POU5F1B: variants seen among roughly 807,000 people sequenced by gnomAD.
POU5F1B encodes the protein POU domain, class 5, transcription factor 1B.
Under a neutral mutation model 28.1 loss-of-function variants are expected in POU5F1B, and 24 were observed. That is an observed-to-expected ratio of 0.85 (90% CI 0.62 to 1.20). The LOEUF (loss-of-function observed/expected upper bound fraction) is 1.20, where lower values mean the gene tolerates loss of function less well. Among genes scored for constraint, POU5F1B ranks in the 50% most tolerant of loss-of-function variants. The pLI is 0.00. For synonymous variants in POU5F1B, 220 were observed against 193.2 expected (o/e 1.14, Z -1.15); for missense variants, 451 against 451.5 (o/e 1.00, Z 0.01).
chr8:127,416,846 C>A (rs1397930871), exon 3 of POU5F1B: 1 of 1,602,548 alleles, frequency 6.2e-7, no homozygotes, highest in Non-Finnish European at 8.5e-7. Context: ...TATGGGAGCC[C>A]TCACTTCACT....
exon 3 of POU5F1B, chr8:127,416,514 T>A (rs778092645): frequency 1.9e-6 from 3 of 1,609,040 alleles, no homozygotes; most frequent in Non-Finnish European, 2.5e-6. Context: ...ACAATGAAAA[T>A]CTTCAGGAGA....
exon 3 of POU5F1B, chr8:127,416,625 G>A: frequency 1.9e-6 from 3 of 1,598,630 alleles, no homozygotes; most frequent in Non-Finnish European, 2.6e-6. Context: ...TGCAGTGCCC[G>A]AAACCCACAC....
At chr8:127,416,620 T>C in exon 3 of POU5F1B, 1 of 1,599,170 alleles carries the variant, frequency 6.3e-7, no homozygotes, top group Non-Finnish European at 8.5e-7. Context: ...GTTCCTGCAG[T>C]GCCCGAAACC....
exon 3 of POU5F1B, chr8:127,416,430 G>A (rs1332788737): frequency 1.9e-6 from 3 of 1,608,354 alleles, no homozygotes; most frequent in East Asian, 4.5e-5. Flanking sequence ...GCCGCTTTGA[G>A]GCTCTGCAGC....
At position 127,413,758 on chromosome 8, in the gene POU5F1B, T is replaced by A. The variant is rs80055306; in HGVS notation, c.-559-1130T>A. 2.1e-3 allele frequency among the ~76,000 whole-genome samples: 318 copies of A among 152,272 alleles called. 10 individuals carry two copies. In the East Asian group the frequency reaches 0.054, roughly 26 times the overall value. On this transcript the variant is annotated intron_variant, in intron 1 of 2. Coordinates refer to ENST00000465342, the Ensembl canonical transcript of POU5F1B. ...ACCTATTAACCTTCTATTTCACTTT[T>A]CTGCTAAATGAGACAATATGGACTT... is the stretch of plus-strand genomic sequence containing the variant.
At chr8:127,416,229 C>G (rs764655739) in exon 3 of POU5F1B, 1 of 1,613,836 alleles carries the variant, frequency 6.2e-7, no homozygotes, top group Non-Finnish European at 8.5e-7. Flanking sequence ...CCCCTGGTGC[C>G]GTGAAGCTGG....
exon 3 of POU5F1B, chr8:127,417,152 CAT>C (rs1345281698): frequency 3.7e-6 from 2 of 545,798 alleles, no homozygotes; most frequent in African/African-American, 4.1e-5. Flanking sequence ...AATCCCACAT[CAT>C]GTATCACTTT....
intron 1 of POU5F1B, among the ~76,000 whole-genome samples, chr8:127,414,505 C>A (rs74814603): frequency 0.013 from 1,979 of 152,264 alleles, 41 homozygotes; most frequent in African/African-American, 0.045. Flanking sequence ...ACCCATCCTG[C>A]AAAACTGTGA....
At chr8:127,416,195 C>T in exon 3 of POU5F1B, 1 of 1,613,816 alleles carries the variant, frequency 6.2e-7, no homozygotes, top group Non-Finnish European at 8.5e-7. Context: ...TCCAATGGGG[C>T]CTCCCCGGAA....
chr8:127,416,496 A>G (rs754980784), exon 3 of POU5F1B: 2 of 1,609,402 alleles, frequency 1.2e-6, no homozygotes. Flanking sequence ...GGGTGGAGGA[A>G]GCTGACAACA....
chr8:127,414,752 T>C (rs1815105598), intron 1 of POU5F1B: 1 of 152,224 alleles, frequency 6.6e-6, no homozygotes. Flanking sequence ...TCCTGCCAAA[T>C]GGTGAAGGCT....
intron 1 of POU5F1B, among the ~76,000 whole-genome samples, chr8:127,414,684 G>T (rs945869265): frequency 5.3e-5 from 8 of 152,258 alleles, no homozygotes; most frequent in Admixed American, 5.2e-4. Context: ...GCAAAAACAT[G>T]GCCTACCAGA....
chr8:127,417,056 G>C (rs1815157544), exon 3 of POU5F1B: 1 of 1,486,758 alleles, frequency 6.7e-7, no homozygotes, highest in Admixed American at 2.1e-5. Context: ...CACTAAGGAA[G>C]GAATTGGGAA....
chr8:127,416,175 G>A (rs763443282), exon 3 of POU5F1B: 2 of 1,613,834 alleles, frequency 1.2e-6, no homozygotes, highest in Non-Finnish European at 1.7e-6. Context: ...GAGTCGGGGT[G>A]GAGAGCAACT....
exon 3 of POU5F1B, chr8:127,417,011 T>G: frequency 6.4e-7 from 1 of 1,557,352 alleles, no homozygotes. Context: ...GAACCTGGAG[T>G]TTGTGGCAGG....
exon 3 of POU5F1B, chr8:127,416,703 C>T (rs764250580): frequency 3.1e-6 from 5 of 1,609,120 alleles, no homozygotes; most frequent in African/African-American, 2.7e-5. Flanking sequence ...GGTTCTGTAA[C>T]CGGCGCCAGA....
chr8:127,416,467 C>G, exon 3 of POU5F1B: 4 of 1,608,768 alleles, frequency 2.5e-6, no homozygotes, highest in Non-Finnish European at 3.4e-6. Flanking sequence ...GTGTAAGCTG[C>G]GGCCCTTGCT....
chr8:127,415,894 G>A (rs1389727528), exon 3 of POU5F1B: 14 of 1,535,170 alleles, frequency 9.1e-6, no homozygotes, highest in East Asian at 7.1e-5. Context: ...TTCGGATTTC[G>A]CCTTCTCGCC....
chr8:127,416,021 G>C (rs767445127), exon 3 of POU5F1B: 148 of 1,602,054 alleles, frequency 9.2e-5, no homozygotes, highest in Non-Finnish European at 1.2e-4. Flanking sequence ...CCGGGGGTTG[G>C]GCCAGGCTCT....
Sources: gnomAD v4.1 joint callset for allele counts (sites outside exome capture counted in the v4.1 genomes callset) on GRCh38, gnomAD v4.1.1 for gene constraint, MANE v1.5 for transcripts, NCBI Gene and HGNC (gene_info 2026-07-23, HGNC 2026-07-21) for gene names.